Variants in GRXCR1 observed in about 807,000 individuals in gnomAD.
The protein encoded by GRXCR1 is glutaredoxin and cysteine rich domain containing 1, also known as glutaredoxin domain-containing cysteine-rich protein 1.
In GRXCR1, 27 loss-of-function variants were observed where a neutral mutation model predicts 27.3. The observed-to-expected ratio is 0.99, with a 90% CI of 0.73 to 1.37. The LOEUF is 1.37. GRXCR1 is among the 40% of genes most tolerant of loss of function. The pLI is 0.00. For synonymous variants in GRXCR1, 122 were observed against 131.1 expected (o/e 0.93, Z 0.47); for missense variants, 379 against 354.4 (o/e 1.07, Z -0.56).
At chr4:43,009,162 C>T (rs538437859) in intron 2 of GRXCR1, among the ~76,000 whole-genome samples, 3 of 152,248 alleles carry the variant, frequency 2.0e-5, no homozygotes, top group African/African-American at 7.2e-5. Context: ...GATTTAGAGA[C>T]CTGGGTTTAT....
chr4:42,990,385 G>A (rs2109790668), intron 2 of GRXCR1, among the ~76,000 whole-genome samples: 1 of 150,828 alleles, frequency 6.6e-6, no homozygotes, highest in East Asian at 2.0e-4. Flanking sequence ...TAGAGACGGG[G>A]TTTCACCGTT....
intron 1 of GRXCR1, among the ~76,000 whole-genome samples, chr4:42,944,327 C>G (rs751959066): frequency 6.6e-6 from 1 of 151,310 alleles, no homozygotes; most frequent in Non-Finnish European, 1.5e-5. Context: ...ATAGCACAAG[C>G]GAGAAAAAAA....
chr4:42,992,177 C>T (rs1389247546), intron 2 of GRXCR1, among the ~76,000 whole-genome samples: 2 of 152,100 alleles, frequency 1.3e-5, no homozygotes, highest in Non-Finnish European at 2.9e-5. Flanking sequence ...ATACCACCAC[C>T]TTACTCAGAA....
intron 2 of GRXCR1, among the ~76,000 whole-genome samples, chr4:42,973,944 T>A (rs1748446445): frequency 6.6e-6 from 1 of 152,124 alleles, no homozygotes. Flanking sequence ...GTTCTAGGGG[T>A]GTGCATACAA....
intron 1 of GRXCR1, among the ~76,000 whole-genome samples, chr4:42,906,317 C>T (rs1291065487): frequency 1.3e-5 from 2 of 152,128 alleles, no homozygotes; most frequent in Non-Finnish European, 1.5e-5. Flanking sequence ...CCATAGTTCA[C>T]CCAAGCTGGG....
At chr4:42,903,024 A>G (rs1165412116) in intron 1 of GRXCR1, among the ~76,000 whole-genome samples, 2 of 152,086 alleles carry the variant, frequency 1.3e-5, no homozygotes, top group Non-Finnish European at 2.9e-5. Flanking sequence ...TATTGAATCA[A>G]TTGAATCAAT....
chr4:42,893,459 C>T lies in GRXCR1; in HGVS notation c.193C>T (p.His65Tyr). 6.2e-7 allele frequency: 1 copy of T among 1,613,766 alleles called. No individual in the cohort carries two copies. Among genetic ancestry groups the T allele is most frequent in the Non-Finnish European group, 8.5e-7 (1 of 1,179,798 alleles). ...TGATTCCGATGGACAGCAGAATGGC[C>T]ACATAGAGTCAGAAGGTGATGAGAA... ...LGDSDGQQNG[H>Y]IESEGDENEN... The change falls in exon 1 of 4, where the codon CAC becomes TAC. Residue 65 changes from histidine to tyrosine, a missense_variant. His to Tyr is a moderately conservative substitution (Grantham distance 83). Coordinates refer to ENST00000399770, the MANE Select transcript of GRXCR1 (RefSeq NM_001080476.3).
At chr4:42,995,605 T>C (rs1262465856) in intron 2 of GRXCR1, among the ~76,000 whole-genome samples, 1 of 152,122 alleles carries the variant, frequency 6.6e-6, no homozygotes, top group Non-Finnish European at 1.5e-5. Flanking sequence ...TTGAGTGGCG[T>C]TGAGAAAAGC....
intron 1 of GRXCR1, 88 bp downstream of exon 1, chr4:42,893,738 C>T (rs1023813858): frequency 1.1e-5 from 14 of 1,272,120 alleles, no homozygotes; most frequent in Non-Finnish European, 1.6e-5. Context: ...GCAAGCCTCT[C>T]TTATTTGCAA....
intron 1 of GRXCR1, among the ~76,000 whole-genome samples, chr4:42,911,311 C>G (rs1189753593): frequency 6.6e-6 from 1 of 151,932 alleles, no homozygotes; most frequent in Non-Finnish European, 1.5e-5. Context: ...AAATATGCCT[C>G]TAATACATAT....
chr4:42,898,034 T>G (rs1367522533), intron 1 of GRXCR1, among the ~76,000 whole-genome samples: 1 of 151,566 alleles, frequency 6.6e-6, no homozygotes, highest in East Asian at 1.9e-4. Flanking sequence ...ATGCAAGAAC[T>G]CTGCCCTTTG....
In GRXCR1 at chr4:42,966,928, A is replaced by G. The variant is rs191646262; in HGVS notation, c.627+3794A>G. On this transcript the variant is annotated intron_variant, in intron 2 of 3. Transcript: ENST00000399770. Reference sequence around the variant, plus strand: ...TTGTTGAGGTTTAAGAGTTCTTTGTATATTTTGGATGACAGCTCCTTACTA... The same window carrying G: ...TTGTTGAGGTTTAAGAGTTCTTTGTGTATTTTGGATGACAGCTCCTTACTA... Among the ~76,000 whole-genome samples, 263 of 152,184 alleles carry G rather than the reference A, an allele frequency of 1.7e-3. 6 individuals are homozygous for G. Among genetic ancestry groups the G allele is most frequent in the Admixed American group, 0.017 (253 of 15,260 alleles).
intron 3 of GRXCR1, among the ~76,000 whole-genome samples, chr4:43,023,503 C>T (rs1204082451): frequency 6.6e-6 from 1 of 152,122 alleles, no homozygotes; most frequent in African/African-American, 2.4e-5. Context: ...TTATTAGTGG[C>T]CTCAAACGTG....
chr4:42,955,579 A>G (rs899429574), intron 1 of GRXCR1, among the ~76,000 whole-genome samples: 1 of 152,156 alleles, frequency 6.6e-6, no homozygotes, highest in African/African-American at 2.4e-5. Flanking sequence ...ATATGAGGAT[A>G]CTTACTCTTT....
At position 42,951,420 on chromosome 4, in the gene GRXCR1, G is replaced by T. The variant is rs140914349; in HGVS notation, c.385-11472G>T. Among the ~76,000 whole-genome samples, 14 of 152,244 alleles carry T rather than the reference G, an allele frequency of 9.2e-5. No homozygotes were observed. In the East Asian group the frequency reaches 2.7e-3, roughly 30 times the overall value. ...ACATTAACCATCACAGCTACTAACT[G>T]TCAAAGCAAAGGCTTGAGATTGGTT... On this transcript the variant is annotated intron_variant, in intron 1 of 3. Coordinates refer to ENST00000399770, the MANE Select transcript of GRXCR1 (RefSeq NM_001080476.3).
intron 2 of GRXCR1, among the ~76,000 whole-genome samples, chr4:42,980,602 G>C (rs1022307824): frequency 8.6e-5 from 13 of 152,018 alleles, no homozygotes; most frequent in Non-Finnish European, 1.8e-4. Flanking sequence ...GTTGAAGAAT[G>C]TGTATTCTGC....
chr4:43,030,467 A>G lies in GRXCR1; in HGVS notation c.800A>G (p.Asp267Gly). The stretch of plus-strand genomic sequence containing the variant: ...TCCATGTTTCGAAACTGCTTCACAG[A>G]CTCTTTCAAAGCCCTGAAGTGTACG... The part of the protein sequence containing the change: ...KMSMFRNCFT[D>G]SFKALKCTAC... The change falls in exon 4 of 4, where the codon GAC becomes GGC. Residue 267 changes from aspartate to glycine, a missense_variant. Transcript: ENST00000399770. The G allele has an allele frequency of 6.2e-7, 1 of 1,613,762 alleles. No homozygotes were observed. The highest frequency in any genetic ancestry group is 8.5e-7 in the Non-Finnish European group (1 of 1,179,930).
At chr4:42,977,825 C>G (rs1298155945) in intron 2 of GRXCR1, among the ~76,000 whole-genome samples, 2 of 152,016 alleles carry the variant, frequency 1.3e-5, no homozygotes, top group Non-Finnish European at 2.9e-5. Context: ...CACCAGTTGT[C>G]TATTTTTCCT....
In GRXCR1 at chr4:42,970,216, C is replaced by T. The variant is rs986365209; in HGVS notation, c.627+7082C>T. On this transcript the variant is annotated intron_variant, in intron 2 of 3. Coordinates refer to ENST00000399770, the MANE Select transcript of GRXCR1 (RefSeq NM_001080476.3). The stretch of plus-strand genomic sequence containing the variant: ...CTTTCATGGGCTGGTATTGAGTGTC[C>T]GCAGCTTTTCCAGACACATGGTACA... Among the ~76,000 whole-genome samples, 29 of 152,090 alleles carry T rather than the reference C, an allele frequency of 1.9e-4. No individual in the cohort carries two copies. In the East Asian group the frequency reaches 3.9e-3, roughly 20 times the overall value.
Sources: allele counts gnomAD v4.1 joint callset (sites outside exome capture counted in the v4.1 genomes callset), GRCh38; gene constraint gnomAD v4.1.1; transcripts MANE v1.5; gene names NCBI Gene and HGNC (gene_info 2026-07-23, HGNC 2026-07-21).